TMEM177: variants seen among roughly 807,000 people sequenced by gnomAD.
TMEM177 encodes the protein transmembrane protein 177.
A neutral mutation model predicts 14.2 loss-of-function variants in TMEM177; 4 were observed. The observed-to-expected ratio is 0.28, with a 90% CI of 0.14 to 0.64. TMEM177 has a LOEUF of 0.64. TMEM177 is among the 30% of genes least tolerant of loss of function. The pLI, the probability that TMEM177 is intolerant of heterozygous loss-of-function variation, is 0.82. For synonymous variants in TMEM177, 179 were observed against 174.5 expected (o/e 1.03, Z -0.20); for missense variants, 344 against 405.2 (o/e 0.85, Z 1.30).
At chr2:119,698,130 C>G in the TMEM177 span, among the ~76,000 whole-genome samples, 5 of 152,276 alleles carry the variant, frequency 3.3e-5, no homozygotes, top group Admixed American at 2.0e-4. Context: ...CAGGCAAAGT[C>G]TCCCCGGTAA....
At position 119,681,486 on chromosome 2, in the gene TMEM177, A is replaced by G. The variant is rs1161829274; in HGVS notation, c.633A>G (p.Ala211=). ...RAAFSLVAAV[A]GFVAYAFSQD... is the part of the protein sequence containing the mutation. Reference sequence around the variant, plus strand: ...CCTTCAGCTTGGTGGCAGCAGTGGCAGGCTTTGTGGCCTACGCCTTCTCCC... The same window carrying G: ...CCTTCAGCTTGGTGGCAGCAGTGGCGGGCTTTGTGGCCTACGCCTTCTCCC... The change falls in exon 2 of 2, where the codon GCA becomes GCG. Residue 211 remains alanine (A), a synonymous_variant. Coordinates refer to ENST00000272521, the MANE Select transcript of TMEM177 (RefSeq NM_030577.3). 2.5e-6 allele frequency: 4 copies of G among 1,613,586 alleles called. No homozygotes were observed. The highest frequency in any genetic ancestry group is 2.5e-6 in the Non-Finnish European group (3 of 1,180,044).
At chr2:119,708,497 T>A in the TMEM177 span, among the ~76,000 whole-genome samples, 2 of 152,124 alleles carry the variant, frequency 1.3e-5, no homozygotes, top group Non-Finnish European at 2.9e-5. Context: ...CATATTCAAA[T>A]TCCCCCGATT....
the TMEM177 span, among the ~76,000 whole-genome samples, chr2:119,720,552 G>A: frequency 1.3e-5 from 2 of 152,168 alleles, no homozygotes; most frequent in Non-Finnish European, 2.9e-5. Context: ...TTACAGGCAT[G>A]AGCCACCATG....
chr2:119,706,181 G>A, the TMEM177 span, among the ~76,000 whole-genome samples: 1 of 151,760 alleles, frequency 6.6e-6, no homozygotes, highest in African/African-American at 2.4e-5. Context: ...GTGCCACCAC[G>A]CCCGGCTACT....
downstream of TMEM177, among the ~76,000 whole-genome samples, chr2:119,683,186 T>C (rs910580755): frequency 6.6e-6 from 1 of 152,200 alleles, no homozygotes; most frequent in African/African-American, 2.4e-5. Context: ...GGCCCCTCAC[T>C]GTGGGCTGGA....
At chr2:119,722,382 TAAA>T in the TMEM177 span, among the ~76,000 whole-genome samples, 1 of 143,506 alleles carries the variant, frequency 7.0e-6, no homozygotes. Context: ...ATCCTGTTTC[TAAA>T]AAAAAAAAAG....
At chr2:119,705,300 G>T in the TMEM177 span, among the ~76,000 whole-genome samples, 1 of 152,152 alleles carries the variant, frequency 6.6e-6, no homozygotes, top group East Asian at 1.9e-4. Context: ...GACTCACAAG[G>T]CTGCAATCAA....
chr2:119,721,451 A>G, the TMEM177 span, among the ~76,000 whole-genome samples: 2 of 152,170 alleles, frequency 1.3e-5, no homozygotes, highest in African/African-American at 4.8e-5. Flanking sequence ...CTTTATTATA[A>G]AACTATAATC....
chr2:119,710,645 T>G, the TMEM177 span, among the ~76,000 whole-genome samples: 1 of 151,484 alleles, frequency 6.6e-6, no homozygotes. Context: ...AGTCTTGCTG[T>G]GTCACCCAGG....
At chr2:119,712,298 C>A in the TMEM177 span, among the ~76,000 whole-genome samples, 1 of 152,084 alleles carries the variant, frequency 6.6e-6, no homozygotes, top group African/African-American at 2.4e-5. Flanking sequence ...TATATTTCAC[C>A]CCCATGGACA....
chr2:119,682,080 C>G lies in TMEM177; in HGVS notation c.*291C>G, dbSNP rs571918684. The G allele has an allele frequency of 2.9e-6, 1 of 345,456 alleles. No homozygotes were observed. Among genetic ancestry groups the G allele is most frequent in the African/African-American group, 2.1e-5 (1 of 47,492 alleles). The allele number at this position is 345,456 out of a possible 1,614,324, so 21.4% of individuals were successfully genotyped here. On this transcript the variant is annotated 3_prime_UTR_variant, in exon 2 of 2. Transcript: ENST00000272521. ...TAAGGTCATGAACATAAGGGCCTGG[C>G]ACAAAGGGTGCACTGTAAATAAACA... is the stretch of plus-strand genomic sequence containing the variant.
At chr2:119,699,356 C>G in the TMEM177 span, among the ~76,000 whole-genome samples, 2 of 152,166 alleles carry the variant, frequency 1.3e-5, no homozygotes, top group African/African-American at 4.8e-5. Context: ...AAGCACGGCA[C>G]GGGGGAACCG....
At chr2:119,720,220 AAAAG>A in the TMEM177 span, among the ~76,000 whole-genome samples, 1 of 152,176 alleles carries the variant, frequency 6.6e-6, no homozygotes, top group Non-Finnish European at 1.5e-5. Context: ...CCAGTGCAAA[AAAAG>A]AAAATCAGTA....
chr2:119,707,946 G>C, the TMEM177 span, among the ~76,000 whole-genome samples: 1 of 152,218 alleles, frequency 6.6e-6, no homozygotes, highest in South Asian at 2.1e-4. Context: ...CCCTGCTGCA[G>C]CTGCGGTTCT....
the TMEM177 span, among the ~76,000 whole-genome samples, chr2:119,711,428 C>T: frequency 1.3e-5 from 2 of 152,174 alleles, no homozygotes; most frequent in Non-Finnish European, 1.5e-5. Context: ...AATTTCAGTG[C>T]GGTAATATTC....
chr2:119,695,640 G>A, the TMEM177 span, among the ~76,000 whole-genome samples: 8 of 152,224 alleles, frequency 5.3e-5, no homozygotes, highest in Non-Finnish European at 1.0e-4. Context: ...GTGAGCACCC[G>A]CTATGTACAA....
At chr2:119,711,868 C>T in the TMEM177 span, among the ~76,000 whole-genome samples, 7 of 152,154 alleles carry the variant, frequency 4.6e-5, no homozygotes, top group Non-Finnish European at 8.8e-5. Flanking sequence ...GAGCAAGTTA[C>T]GCCAGATGAC....
rs756170618 is a variant in TMEM177 at position 119,681,279 on chromosome 2, C to T, written c.426C>T (p.Ser142=). 264 of 1,614,154 alleles carry T rather than the reference C, an allele frequency of 1.6e-4. No individual in the cohort carries two copies. The highest frequency in any genetic ancestry group is 2.1e-4 in the Non-Finnish European group (248 of 1,180,060). ...RSPAGARLRA[S]LTLSREAQKF... is the part of the protein sequence containing the mutation. ...CAGCAGGCGCCCGGCTGAGAGCTTC[C>T]CTGACCTTGTCCCGTGAAGCCCAGA... The change falls in exon 2 of 2, where the codon TCC becomes TCT. Residue 142 remains serine, a synonymous_variant. Coordinates refer to ENST00000272521, the MANE Select transcript of TMEM177 (RefSeq NM_030577.3).
At chr2:119,709,418 G>A in the TMEM177 span, among the ~76,000 whole-genome samples, 1 of 152,226 alleles carries the variant, frequency 6.6e-6, no homozygotes, top group Non-Finnish European at 1.5e-5. Context: ...GCTCATGCCT[G>A]TAATCCCAAC....
Sources: allele counts gnomAD v4.1 joint callset (sites outside exome capture counted in the v4.1 genomes callset), GRCh38; gene constraint gnomAD v4.1.1; transcripts MANE v1.5; gene names NCBI Gene and HGNC (gene_info 2026-07-23, HGNC 2026-07-21).